ORC5: variants seen among roughly 807,000 people sequenced by gnomAD.
ORC5 encodes protein phosphatase 1, regulatory subunit 117.
A neutral mutation model predicts 58.8 loss-of-function variants in ORC5; 39 were observed. The observed-to-expected ratio is 0.66, with a 90% CI of 0.51 to 0.87. The LOEUF is 0.87. Among genes scored for constraint, ORC5 ranks in the 40% least tolerant of loss-of-function variants. The pLI is 0.00. For synonymous variants in ORC5, 218 were observed against 177.6 expected (o/e 1.23, Z -1.81); for missense variants, 493 against 506.3 (o/e 0.97, Z 0.25).
intron 5 of ORC5, among the ~76,000 whole-genome samples, chr7:104,191,171 T>A (rs745907825): frequency 1.3e-5 from 2 of 149,484 alleles, no homozygotes; most frequent in Non-Finnish European, 3.0e-5. Flanking sequence ...TACTTTTACA[T>A]TCTAATAGCA....
At chr7:104,166,700 C>A in intron 10 of ORC5, 72 bp downstream of exon 10, 3 of 818,136 alleles carry the variant, frequency 3.7e-6, no homozygotes, top group Non-Finnish European at 6.1e-6. Flanking sequence ...TAGAAATTTA[C>A]AAGTGTTAAG....
Position 104,129,048 on chromosome 7 carries a change from T to C in ORC5, c.1263-2155A>G, listed in dbSNP as rs1798472577. 6.6e-6 allele frequency among the ~76,000 whole-genome samples: 1 copy of C among 152,114 alleles called. No homozygotes were observed. On this transcript the variant is annotated intron_variant, in intron 13 of 13. Coordinates refer to ENST00000297431, the MANE Select transcript of ORC5 (RefSeq NM_002553.4). This position sits in a 1 kb window ranked among gnomAD's most constrained non-coding sequence, Gnocchi z 4.9. The stretch of plus-strand genomic sequence containing the variant: ...ATACAAAATGATCAATATGAAGATA[T>C]ACCAGCAATATTAAGGGAGAAAGGG...
At chr7:104,200,279 C>G (rs1194574588) in intron 3 of ORC5, among the ~76,000 whole-genome samples, 1 of 152,142 alleles carries the variant, frequency 6.6e-6, no homozygotes, top group Non-Finnish European at 1.5e-5. Flanking sequence ...TTTTCTAGAC[C>G]TTCCACAATC....
At chr7:104,201,627 TA>T (rs59970161) in intron 2 of ORC5, among the ~76,000 whole-genome samples, 290 of 131,362 alleles carry the variant, frequency 2.2e-3, no homozygotes, top group Middle Eastern at 4.1e-3. Flanking sequence ...CTGTCACTAT[TA>T]AAAAAAAAAA....
chr7:104,137,789 C>A (rs1326457549), intron 12 of ORC5, among the ~76,000 whole-genome samples: 3 of 152,200 alleles, frequency 2.0e-5, no homozygotes, highest in Non-Finnish European at 4.4e-5. Context: ...GCTCCCCAAC[C>A]ATCTGCTGAG....
intron 2 of ORC5, chr7:104,202,424 C>T (rs886486199): frequency 5.1e-6 from 2 of 392,252 alleles, no homozygotes; most frequent in Non-Finnish European, 1.0e-5. Flanking sequence ...TCTCTCACTC[C>T]TTTACTGTCC....
In ORC5 at chr7:104,183,981, C is replaced by T; in HGVS notation, c.786G>A (p.Lys262=). ...TGAGATAAACAGTCTGCATAGCTTT[C>T]TTCAAATGAGGTTCAATATTTCTCC... ...KLWRNIEPHL[K]KAMQTVYLRE... The change falls in exon 8 of 14, where the codon AAG becomes AAA. Residue 262 remains lysine, a synonymous_variant. Transcript: ENST00000297431. 6.2e-7 allele frequency: 1 copy of T among 1,613,704 alleles called. No individual in the cohort carries two copies.
intron 8 of ORC5, among the ~76,000 whole-genome samples, chr7:104,179,668 TCA>T (rs972987498): frequency 4.7e-4 from 72 of 152,004 alleles, no homozygotes; most frequent in African/African-American, 1.7e-3. Flanking sequence ...TTTTTCTGTT[TCA>T]CAGTCTTCAT....
In ORC5 at chr7:104,126,734, T is replaced by G. The variant is rs1283585225; in HGVS notation, c.*114A>C. On this transcript the variant is annotated 3_prime_UTR_variant, in exon 14 of 14. Coordinates refer to ENST00000297431, the MANE Select transcript of ORC5 (RefSeq NM_002553.4). ...GATTCCATGCTGGGCCAGCACCTGT[T>G]TGGACAAATCCAATAGAGCCAAAGA... is the stretch of plus-strand genomic sequence containing the variant. The G allele has an allele frequency of 1.4e-6, 1 of 716,678 alleles. No individual in the cohort carries two copies. The highest frequency in any genetic ancestry group is 1.8e-5 in the African/African-American group (1 of 54,742). 44.4% of individuals were successfully genotyped at this position (716,678 alleles called of 1,614,324 possible).
chr7:104,150,774 T>A (rs1438566831), intron 12 of ORC5, among the ~76,000 whole-genome samples: 1 of 152,192 alleles, frequency 6.6e-6, no homozygotes, highest in Non-Finnish European at 1.5e-5. Context: ...GATGGCATTG[T>A]GCAAGAGATA....
At chr7:104,151,888 C>A (rs763951266) in intron 12 of ORC5, among the ~76,000 whole-genome samples, 52 of 152,224 alleles carry the variant, frequency 3.4e-4, no homozygotes, top group Non-Finnish European at 5.0e-4. Flanking sequence ...TTCAATTAAC[C>A]ACCACCATTC....
intron 4 of ORC5, 88 bp from the exon 5 acceptor site, chr7:104,195,342 T>TC (rs1453018297): frequency 2.0e-5 from 13 of 647,588 alleles, no homozygotes; most frequent in East Asian, 6.2e-5. Context: ...TTCAAATACA[T>TC]CCCCCCAGAG....
rs1176005469 is a variant in ORC5, at chr7:104,195,215, C to T, written c.481G>A (p.Val161Ile). Residue 161 changes from valine to isoleucine, a missense_variant, in exon 5 of 14, where the codon GTT (valine) becomes ATT (isoleucine). Around this residue, in one of 3 missense-constraint regions of ORC5, gnomAD observed 412 missense variants for 403.7 expected, o/e 1.02. Transcript: ENST00000297431. Reference sequence around the variant, plus strand: ...GTATTTGGACGAAACTTTTCCCAAACAATTTCACTGAGAAAGAGAACAGTC... The same window carrying T: ...GTATTTGGACGAAACTTTTCCCAAATAATTTCACTGAGAAAGAGAACAGTC... ...NVTVLFLSEI[V>I]WEKFRPNTGC... The T allele has an allele frequency of 1.9e-6, 3 of 1,572,224 alleles. No homozygotes were observed. The African/African-American group carries it at 4.2e-5, about 22-fold the overall frequency.
intron 5 of ORC5, among the ~76,000 whole-genome samples, chr7:104,194,218 G>A (rs940878254): frequency 1.3e-5 from 2 of 148,756 alleles, no homozygotes; most frequent in African/African-American, 5.0e-5. Context: ...TTGGGTTGCT[G>A]TTTAAAAAAA....
rs1584471274 is a variant in ORC5, at chr7:104,126,771, T to C, written c.*77A>G. On this transcript the variant is annotated 3_prime_UTR_variant, in exon 14 of 14. Coordinates refer to ENST00000297431, the MANE Select transcript of ORC5 (RefSeq NM_002553.4). ...AATAGAGCCAAAGAACTCCTCTCCTTGGCCAGCTAAGTAGCTGGATGAACA... is the reference window on the plus strand; with the variant it reads ...AATAGAGCCAAAGAACTCCTCTCCTCGGCCAGCTAAGTAGCTGGATGAACA... The C allele has an allele frequency of 3.7e-6, 4 of 1,066,892 alleles. No individual in the cohort carries two copies. In the East Asian group the frequency reaches 7.7e-5, roughly 20 times the overall value. 66.1% of individuals were successfully genotyped at this position (1,066,892 alleles called of 1,614,324 possible).
chr7:104,176,541 T>G (rs932847720), intron 8 of ORC5, among the ~76,000 whole-genome samples: 4 of 152,186 alleles, frequency 2.6e-5, no homozygotes, highest in African/African-American at 9.7e-5. Context: ...ATCTCTCTGC[T>G]TTAATGTTAA....
intron 12 of ORC5, among the ~76,000 whole-genome samples, chr7:104,145,055 A>T (rs994223335): frequency 6.6e-6 from 1 of 152,220 alleles, no homozygotes; most frequent in Non-Finnish European, 1.5e-5. Flanking sequence ...ACAGAACAGG[A>T]TGGGCAACCA....
At chr7:104,170,717 GATTA>G (rs1799196463) in intron 8 of ORC5, among the ~76,000 whole-genome samples, 1 of 152,162 alleles carries the variant, frequency 6.6e-6, no homozygotes, top group Non-Finnish European at 1.5e-5. Flanking sequence ...GATCATTCTG[GATTA>G]ATTGGGAAAA....
At chr7:104,172,434 T>C (rs1327004074) in intron 8 of ORC5, among the ~76,000 whole-genome samples, 1 of 152,210 alleles carries the variant, frequency 6.6e-6, no homozygotes, top group Middle Eastern at 3.2e-3. Flanking sequence ...TTTCTGCTAA[T>C]TAAGAAACTA....
Sources: allele counts gnomAD v4.1 joint callset (sites outside exome capture counted in the v4.1 genomes callset), GRCh38; gene constraint gnomAD v4.1.1; regional missense constraint gnomAD v4.1.1; non-coding constraint Gnocchi (gnomAD v3.1); transcripts MANE v1.5; gene names NCBI Gene and HGNC (gene_info 2026-07-23, HGNC 2026-07-21).